Variants in NTRK3 observed in about 807,000 individuals in gnomAD.
NTRK3 encodes the protein neurotrophic receptor tyrosine kinase 3.
In NTRK3, 24 loss-of-function variants were observed where a neutral mutation model predicts 91.7. The ratio of observed to expected loss-of-function variants is 0.26; its 90% CI spans 0.19 to 0.37. NTRK3 has a LOEUF of 0.37. NTRK3 is among the 10% of genes least tolerant of loss of function. NTRK3 has a pLI of 1.00. For synonymous variants in NTRK3, 483 were observed against 404.0 expected, an observed-to-expected ratio of 1.20 and a Z score of -2.34; for missense variants, 880 against 1,068.9, an observed-to-expected ratio of 0.82 and a Z score of 2.46.
At chr15:88,089,989 G>A (rs1429020893) in intron 13 of NTRK3, among the ~76,000 whole-genome samples, 2 of 152,114 alleles carry the variant, frequency 1.3e-5, no homozygotes, top group Non-Finnish European at 2.9e-5. Context: ...TGTCCTCCAG[G>A]CTGCTCTTTG....
At chr15:88,111,462 G>A (rs996022698) in intron 13 of NTRK3, among the ~76,000 whole-genome samples, 7 of 152,218 alleles carry the variant, frequency 4.6e-5, no homozygotes, top group African/African-American at 1.2e-4. Context: ...TAACTGATAA[G>A]AGGACAGTAT....
intron 13 of NTRK3, among the ~76,000 whole-genome samples, chr15:88,041,513 C>T (rs949436969): frequency 5.9e-5 from 9 of 152,188 alleles, no homozygotes; most frequent in South Asian, 2.1e-4. Context: ...ATCACTCCCA[C>T]GTGGAAGCTT....
At chr15:87,896,303 T>C (rs1463424998) in intron 17 of NTRK3, among the ~76,000 whole-genome samples, 1 of 151,998 alleles carries the variant, frequency 6.6e-6, no homozygotes, top group Non-Finnish European at 1.5e-5. Flanking sequence ...AAACCCTGTC[T>C]CTACTAAAAA....
chr15:88,082,785 G>C (rs1597200751), intron 13 of NTRK3, among the ~76,000 whole-genome samples: 1 of 152,270 alleles, frequency 6.6e-6, no homozygotes, highest in African/African-American at 2.4e-5. Flanking sequence ...GGAAGGAAAC[G>C]GAATCGGGGT....
rs1025132605 is a variant in NTRK3, at chr15:88,050,497, GTGTGTGTGTGTGTGTGTGTA to G, written c.1397-17472_1397-17453del. On this transcript the variant is annotated intron_variant, in intron 13 of 18. Coordinates refer to ENST00000394480, the Ensembl canonical transcript of NTRK3. ...TAATCAATATATACCGTGTGTGTGT[GTGTGTGTGTGTGTGTGTGTA>G]TGTGTGTGTGTGTTTGTATAGAAAG... 4.2e-4 allele frequency among the ~76,000 whole-genome samples: 43 copies of G among 102,702 alleles called. 1 individual carries two copies. The highest frequency in any genetic ancestry group is 9.9e-4 in the African/African-American group (18 of 18,100). The allele number at this position is 102,702 out of a possible 152,430, so 67.4% of individuals were successfully genotyped here.
At chr15:87,989,111 T>C (rs2075083388) in intron 14 of NTRK3, among the ~76,000 whole-genome samples, 1 of 152,158 alleles carries the variant, frequency 6.6e-6, no homozygotes, top group African/African-American at 2.4e-5. Context: ...CTCAAGGATC[T>C]AGAACTAGAG....
intron 6 of NTRK3, among the ~76,000 whole-genome samples, chr15:88,141,470 T>C (rs2042383491): frequency 6.6e-6 from 1 of 152,218 alleles, no homozygotes; most frequent in Non-Finnish European, 1.5e-5. Context: ...AGGAGAGGCC[T>C]GGCCACCCTG....
exon 11 of NTRK3, chr15:88,128,718 A>T: frequency 6.2e-7 from 1 of 1,614,128 alleles, no homozygotes; most frequent in Non-Finnish European, 8.5e-7. Flanking sequence ...TACACAAGAT[A>T]AAGTTATCCG....
chr15:87,958,528 G>A (rs190909033), intron 14 of NTRK3, among the ~76,000 whole-genome samples: 46 of 151,974 alleles, frequency 3.0e-4, no homozygotes, highest in African/African-American at 8.7e-4. Context: ...TCCCCAGGGC[G>A]TCCCTATGTG....
At chr15:88,198,019 T>C (rs1295231648) in intron 3 of NTRK3, among the ~76,000 whole-genome samples, 2 of 152,222 alleles carry the variant, frequency 1.3e-5, no homozygotes, top group Non-Finnish European at 2.9e-5. Context: ...GGAGGCATCA[T>C]AACAATGAAC....
At chr15:88,142,481 G>C (rs2042479656) in intron 6 of NTRK3, among the ~76,000 whole-genome samples, 1 of 152,208 alleles carries the variant, frequency 6.6e-6, no homozygotes, top group South Asian at 2.1e-4. Flanking sequence ...TGGATATTTA[G>C]AAAACACTGA....
At chr15:88,164,145 A>G (rs1193664907) in intron 5 of NTRK3, among the ~76,000 whole-genome samples, 4 of 152,024 alleles carry the variant, frequency 2.6e-5, no homozygotes, top group Non-Finnish European at 4.4e-5. Context: ...CCAGGGAAGA[A>G]CTCTTGTCCA....
At chr15:87,916,001 T>A (rs1836591) in intron 17 of NTRK3, among the ~76,000 whole-genome samples, 20,248 of 152,144 alleles carry the variant, frequency 0.13, 1,421 homozygotes, top group South Asian at 0.21. Flanking sequence ...CTTTGCTCTT[T>A]GGGATTAGCA....
intron 14 of NTRK3, among the ~76,000 whole-genome samples, chr15:88,006,498 T>G (rs1342153453): frequency 2.6e-5 from 4 of 152,174 alleles, no homozygotes; most frequent in African/African-American, 9.7e-5. Context: ...GGATTGCTGG[T>G]GGCTGGTGGC....
At chr15:87,886,148 T>A (rs1199755446) in intron 17 of NTRK3, among the ~76,000 whole-genome samples, 1 of 152,000 alleles carries the variant, frequency 6.6e-6, no homozygotes, top group Non-Finnish European at 1.5e-5. Flanking sequence ...TGGGAAAGAC[T>A]GAAAAAAATT....
chr15:87,911,183 G>A (rs1043138008), intron 17 of NTRK3, among the ~76,000 whole-genome samples: 1 of 152,190 alleles, frequency 6.6e-6, no homozygotes, highest in African/African-American at 2.4e-5. Context: ...AGGTATGAGC[G>A]AAGTGGGAAA....
intron 17 of NTRK3, among the ~76,000 whole-genome samples, chr15:87,898,109 T>C (rs1469532356): frequency 1.3e-5 from 2 of 152,232 alleles, no homozygotes; most frequent in African/African-American, 4.8e-5. Flanking sequence ...TGAAAGATGC[T>C]AATTTCTCAA....
intron 13 of NTRK3, among the ~76,000 whole-genome samples, chr15:88,110,897 G>C (rs756851723): frequency 1.3e-5 from 2 of 152,190 alleles, no homozygotes; most frequent in Non-Finnish European, 2.9e-5. Flanking sequence ...GAAGGGGCCA[G>C]GTCCAGAGCC....
intron 6 of NTRK3, chr15:88,144,203 A>G (rs1022336055): frequency 2.9e-4 from 44 of 152,356 alleles, no homozygotes; most frequent in African/African-American, 1.0e-3. Context: ...TTCTGAGAGC[A>G]CTGCACAATG....
Sources: allele counts gnomAD v4.1 joint callset (sites outside exome capture counted in the v4.1 genomes callset), GRCh38; gene constraint gnomAD v4.1.1; transcripts MANE v1.5; gene names NCBI Gene and HGNC (gene_info 2026-07-23, HGNC 2026-07-21).